ATL3: variants seen among roughly 807,000 people sequenced by gnomAD.
ATL3 encodes atlastin GTPase 3.
Under a neutral mutation model 69.5 loss-of-function variants are expected in ATL3, and 49 were observed. That is an observed-to-expected ratio of 0.71 (90% CI 0.56 to 0.89). The LOEUF is 0.89. ATL3 is among the 40% of genes least tolerant of loss of function. ATL3 has a pLI of 0.00. For missense variants in ATL3, 606 were observed against 645.7 expected, an observed-to-expected ratio of 0.94 and a Z score of 0.67; for synonymous variants, 214 against 224.1, an observed-to-expected ratio of 0.95 and a Z score of 0.40.
At chr11:63,646,757 C>T (rs1385979076) in intron 5 of ATL3, among the ~76,000 whole-genome samples, 194 bp from the exon 6 acceptor site, 1 of 152,142 alleles carries the variant, frequency 6.6e-6, no homozygotes, top group Non-Finnish European at 1.5e-5. Flanking sequence ...ATCAACAAAT[C>T]CAGAATCCAG....
In ATL3 at chr11:63,660,697, G is replaced by C. The variant is rs541370757; in HGVS notation, c.47-1445C>G. Among the ~76,000 whole-genome samples the C allele has an allele frequency of 9.2e-5, 14 of 152,078 alleles. No individual in the cohort carries two copies. The South Asian group carries it at 2.9e-3, about 32-fold the overall frequency. Reference sequence around the variant, plus strand: ...AGGCAGGAGGATTACTTGGGCCCAGGAGTTCAAGACCAACCTGGACAATAT... The same window carrying C: ...AGGCAGGAGGATTACTTGGGCCCAGCAGTTCAAGACCAACCTGGACAATAT... On this transcript the variant is annotated intron_variant, in intron 1 of 12. Coordinates refer to ENST00000398868, the MANE Select transcript of ATL3 (RefSeq NM_015459.5).
rs535095097 is a variant in ATL3 at position 63,656,021 on chromosome 11, G to A, written c.405+2740C>T. Among the ~76,000 whole-genome samples, 564 of 152,046 alleles carry A rather than the reference G, an allele frequency of 3.7e-3. 5 individuals carry two copies. The highest frequency in any genetic ancestry group is 0.012 in the African/African-American group (506 of 41,486). On this transcript the variant is annotated intron_variant, in intron 3 of 12. Transcript: ENST00000398868. ...GGGCAGATCACGAGGTCAGGAGATC[G>A]AGACCATCCTGGCTAACACAGTGAA...
chr11:63,635,611 A>G, intron 9 of ATL3, 21 bp from the exon 10 acceptor site: 1 of 1,547,804 alleles, frequency 6.5e-7, no homozygotes, highest in Admixed American at 1.7e-5. Context: ...AAACATAAAA[A>G]CTGCTATAAA....
At chr11:63,637,267 C>T (rs957492939) in intron 8 of ATL3, among the ~76,000 whole-genome samples, 1 of 142,802 alleles carries the variant, frequency 7.0e-6, no homozygotes, top group Non-Finnish European at 1.5e-5. Context: ...CAGAGTGAGA[C>T]TCCATCTCAG....
At position 63,663,657 on chromosome 11, in the gene ATL3, A is replaced by C. The variant is rs146932135; in HGVS notation, c.47-4405T>G. Among the ~76,000 whole-genome samples the C allele has an allele frequency of 9.0e-4, 137 of 152,340 alleles. 1 individual carries two copies. The highest frequency in any genetic ancestry group is 3.1e-3 in the African/African-American group (127 of 41,568). ...AGACCTTCAGTCTTTCATACAAAGA[A>C]CTAATGAGAAGAATTTATTCAGACT... On this transcript the variant is annotated intron_variant, in intron 1 of 12. Transcript: ENST00000398868.
At chr11:63,638,619 C>T (rs1186487015) in intron 8 of ATL3, among the ~76,000 whole-genome samples, 3 of 152,008 alleles carry the variant, frequency 2.0e-5, no homozygotes, top group Non-Finnish European at 4.4e-5. Context: ...GCACAAGAAT[C>T]GCTTGAGCCC....
At chr11:63,668,790 CTTTTTTTTT>C (rs386373974) in intron 1 of ATL3, among the ~76,000 whole-genome samples, 1 of 81,492 alleles carries the variant, frequency 1.2e-5, no homozygotes, top group Non-Finnish European at 2.3e-5. Context: ...AGCTGTGTTC[CTTTTTTTTT>C]TTTTTTTTTT....
chr11:63,647,208 T>G (rs1565276294), intron 5 of ATL3, among the ~76,000 whole-genome samples: 1 of 152,216 alleles, frequency 6.6e-6, no homozygotes. Flanking sequence ...AAAAAATTTT[T>G]TTTTTTGAGA....
At chr11:63,667,827 T>C (rs999427453) in intron 1 of ATL3, among the ~76,000 whole-genome samples, 1 of 151,666 alleles carries the variant, frequency 6.6e-6, no homozygotes, top group Non-Finnish European at 1.5e-5. Context: ...TACTGACATA[T>C]TGACATTGGA....
chr11:63,658,648 T>C (rs1300022016), intron 3 of ATL3, 113 bp downstream of exon 3: 1 of 1,214,026 alleles, frequency 8.2e-7, no homozygotes, highest in Non-Finnish European at 1.1e-6. Context: ...TTTCTTACTT[T>C]ACCCATTTTA....
chr11:63,630,448 A>AAAAG lies in ATL3; in HGVS notation c.1539+591_1539+592insCTTT, dbSNP rs776671586. 2.7e-4 allele frequency among the ~76,000 whole-genome samples: 36 copies of AAAAG among 133,134 alleles called. 1 individual carries two copies. The highest frequency in any genetic ancestry group is 4.6e-4 in the Non-Finnish European group (29 of 62,654). The allele number at this position is 133,134 out of a possible 152,430, so 87.3% of individuals were successfully genotyped here. The stretch of plus-strand genomic sequence containing the variant: ...TCTCAAAAAAAAAAAAAAAAAAAAA[A>AAAAG]GTTGCCAAAGGGGAACACAATCAGT... On this transcript the variant is annotated intron_variant, in intron 12 of 12. Transcript: ENST00000398868.
intron 1 of ATL3, 36 bp downstream of exon 1, chr11:63,671,254 G>A: frequency 1.3e-6 from 2 of 1,555,622 alleles, no homozygotes; most frequent in African/African-American, 1.4e-5. Context: ...CGGCGGGGGT[G>A]GCCGCGGGGC....
Position 63,671,358 on chromosome 11 carries a change from AAGC to A in ATL3, c.-26_-24del. Reference sequence around the variant, plus strand: ...CATGGAGCCTCCGCCTTCAAAGCAGAAGCAGCAGGGGTGCAGAGGAGAGGGACG... The same window carrying A: ...CATGGAGCCTCCGCCTTCAAAGCAGAAGCAGGGGTGCAGAGGAGAGGGACG... On this transcript the variant is annotated 5_prime_UTR_variant, in exon 1 of 13. Transcript: ENST00000398868. 6.3e-7 allele frequency: 1 copy of A among 1,576,234 alleles called. No individual in the cohort carries two copies. The highest frequency in any genetic ancestry group is 8.6e-7 in the Non-Finnish European group (1 of 1,163,660).
intron 11 of ATL3, 190 bp downstream of exon 11, chr11:63,632,836 C>A: frequency 1.3e-6 from 1 of 766,340 alleles, no homozygotes; most frequent in Non-Finnish European, 2.1e-6. Flanking sequence ...CAAAACAAAA[C>A]AAAACAAGAA....
rs1219160187 is a variant in ATL3, at chr11:63,669,043, G to A, written c.46+2247C>T. Among the ~76,000 whole-genome samples the A allele has an allele frequency of 2.7e-5, 4 of 147,784 alleles. 1 individual carries two copies. The highest frequency in any genetic ancestry group is 4.5e-5 in the Non-Finnish European group (3 of 66,930). ...GGGGGGCGTCTCACCATGTTGGCCAGGCTGGTCTTGAACTCCTGACCTCAG... is the reference window on the plus strand; with the variant it reads ...GGGGGGCGTCTCACCATGTTGGCCAAGCTGGTCTTGAACTCCTGACCTCAG... On this transcript the variant is annotated intron_variant, in intron 1 of 12. Coordinates refer to ENST00000398868, the MANE Select transcript of ATL3 (RefSeq NM_015459.5).
At chr11:63,636,156 G>T (rs1318651849) in intron 9 of ATL3, 51 bp downstream of exon 9, 1 of 1,583,012 alleles carries the variant, frequency 6.3e-7, no homozygotes, top group African/African-American at 1.4e-5. Context: ...TTACGAGTGA[G>T]ATCAGCTTTA....
chr11:63,641,899 T>C (rs934569179), intron 8 of ATL3, among the ~76,000 whole-genome samples: 3 of 152,232 alleles, frequency 2.0e-5, no homozygotes, highest in Non-Finnish European at 4.4e-5. Flanking sequence ...GAATGCCATG[T>C]GTGTGTGTTT....
chr11:63,650,793 T>A (rs1446743093), intron 5 of ATL3: 1 of 152,138 alleles, frequency 6.6e-6, no homozygotes, highest in Non-Finnish European at 1.5e-5. Flanking sequence ...TAGAAAGGAA[T>A]AAATTTCAGG....
chr11:63,645,851 T>C (rs1320860978), intron 6 of ATL3, among the ~76,000 whole-genome samples: 1 of 152,028 alleles, frequency 6.6e-6, no homozygotes, highest in African/African-American at 2.4e-5. Flanking sequence ...CACTGTAACC[T>C]TCACCTACCA....
Sources: gnomAD v4.1 joint callset for allele counts (sites outside exome capture counted in the v4.1 genomes callset) on GRCh38, gnomAD v4.1.1 for gene constraint, MANE v1.5 for transcripts, NCBI Gene and HGNC (gene_info 2026-07-23, HGNC 2026-07-21) for gene names.